MPLKIP: variants seen among roughly 807,000 people sequenced by gnomAD.
MPLKIP encodes the protein M-phase-specific PLK1-interacting protein.
MPLKIP carries 16 observed loss-of-function variants against 16.9 expected under a neutral mutation model. That is an observed-to-expected ratio of 0.94 (90% CI 0.64 to 1.43). The LOEUF (loss-of-function observed/expected upper bound fraction) is 1.43, where lower values mean the gene tolerates loss of function less well. Among genes scored for constraint, MPLKIP ranks in the 40% most tolerant of loss-of-function variants. MPLKIP has a pLI of 0.00. For missense variants in MPLKIP, 282 were observed against 237.6 expected (o/e 1.19, Z -1.23); for synonymous variants, 126 against 98.4 (o/e 1.28, Z -1.66).
chr7:40,133,710 AGCAAGTTGGAAAACCACGTAGTT>A (rs1243927622), intron 1 of MPLKIP, among the ~76,000 whole-genome samples: 1 of 152,102 alleles, frequency 6.6e-6, no homozygotes, highest in Non-Finnish European at 1.5e-5. Context: ...TGTAGAATAC[AGCAAGTTGGAAAACCACGTAGTT>A]GCAAGTTGTA....
rs1787436956 is a variant in MPLKIP, at chr7:40,129,678, A to G, written c.*3381T>C. ...CCAAGCGTGGTGGCTCACACCTGTA[A>G]TTCCAGCACTTTGGGAGGCCGAGGC... On this transcript the variant is annotated 3_prime_UTR_variant, in exon 2 of 2. Coordinates refer to ENST00000306984, the MANE Select transcript of MPLKIP (RefSeq NM_138701.4). 6.6e-6 allele frequency: 1 copy of G among 151,966 alleles called. No individual in the cohort carries two copies. 9.4% of individuals were successfully genotyped at this position (151,966 alleles called of 1,614,324 possible).
Position 40,127,936 on chromosome 7 carries a change from A to AG in MPLKIP, c.*5122dup, listed in dbSNP as rs1474046513. On this transcript the variant is annotated 3_prime_UTR_variant, in exon 2 of 2. Coordinates refer to ENST00000306984, the MANE Select transcript of MPLKIP (RefSeq NM_138701.4). ...CTTGCACCTGTAATCCCATCTACTCAGGAGGCTAAGGCAGGAGAACTGCTT... is the reference window on the plus strand; with the variant it reads ...CTTGCACCTGTAATCCCATCTACTCAGGGAGGCTAAGGCAGGAGAACTGCTT... The AG allele has an allele frequency of 1.3e-5, 2 of 152,166 alleles. No homozygotes were observed. Among genetic ancestry groups the AG allele is most frequent in the Non-Finnish European group, 2.9e-5 (2 of 68,182 alleles). The allele number at this position is 152,166 out of a possible 1,614,324, so 9.4% of individuals were successfully genotyped here. A position where few individuals can be genotyped will look rare whatever the true frequency, so the allele number is the denominator to read the frequency against.
rs1787427965 is a variant in MPLKIP, at chr7:40,129,065, A to G, written c.*3994T>C. 2 of 152,102 alleles carry G rather than the reference A, an allele frequency of 1.3e-5. No homozygotes were observed. The highest frequency in any genetic ancestry group is 2.9e-5 in the Non-Finnish European group (2 of 68,028). 9.4% of individuals were successfully genotyped at this position (152,102 alleles called of 1,614,324 possible). A position where few individuals can be genotyped will look rare whatever the true frequency, so the allele number is the denominator to read the frequency against. On this transcript the variant is annotated 3_prime_UTR_variant, in exon 2 of 2. Coordinates refer to ENST00000306984, the MANE Select transcript of MPLKIP (RefSeq NM_138701.4). The stretch of plus-strand genomic sequence containing the variant: ...GAGCCTCACCATTTGCTTTTTGCCT[A>G]AAAATAAGGTATCTTTTCCTTCATG...
chr7:40,126,519 C>T lies in MPLKIP; in HGVS notation c.*6540G>A, dbSNP rs1787393458. The T allele has an allele frequency of 1.3e-5, 2 of 150,858 alleles. 1 individual carries two copies. The highest frequency in any genetic ancestry group is 4.9e-5 in the African/African-American group (2 of 41,064). 9.3% of individuals were successfully genotyped at this position (150,858 alleles called of 1,614,324 possible). On this transcript the variant is annotated 3_prime_UTR_variant, in exon 2 of 2. Transcript: ENST00000306984. ...TGAGATCTTGGCTCACTGCAACCTT[C>T]ACTTCCTGGGCTCAAGCAATTCTCC...
rs1213852748 is a variant in MPLKIP at position 40,126,655 on chromosome 7, C to CTGACCTCA, written c.*6396_*6403dup. 1 of 151,738 alleles carries CTGACCTCA rather than the reference C, an allele frequency of 6.6e-6. No individual in the cohort carries two copies. Among genetic ancestry groups the CTGACCTCA allele is most frequent in the African/African-American group, 2.4e-5 (1 of 41,268 alleles). The allele number at this position is 151,738 out of a possible 1,614,324, so 9.4% of individuals were successfully genotyped here. A position where few individuals can be genotyped will look rare whatever the true frequency, so the allele number is the denominator to read the frequency against. ...TGTTGGGCAGGCTGGTCTCGAACTCCTGACCTCATGATCTGCCCGCCTCGG... is the reference window on the plus strand; with the variant it reads ...TGTTGGGCAGGCTGGTCTCGAACTCCTGACCTCATGACCTCATGATCTGCCCGCCTCGG... On this transcript the variant is annotated 3_prime_UTR_variant, in exon 2 of 2. Transcript: ENST00000306984.
rs1787426952 is a variant in MPLKIP, at chr7:40,128,950, TAC to T, written c.*4107_*4108del. The T allele has an allele frequency of 1.6e-5, 2 of 127,490 alleles. No homozygotes were observed. Among genetic ancestry groups the T allele is most frequent in the Non-Finnish European group, 3.3e-5 (2 of 60,310 alleles). 7.9% of individuals were successfully genotyped at this position (127,490 alleles called of 1,614,324 possible). On this transcript the variant is annotated 3_prime_UTR_variant, in exon 2 of 2. Transcript: ENST00000306984. ...AAAAAAAAAAAAAGAATGGTGGAAA[TAC>T]AGAGTTTGCTTCACAGGAGATTCAC... is the stretch of plus-strand genomic sequence containing the variant.
At position 40,134,303 on chromosome 7, in the gene MPLKIP, A is replaced by AGCCAGGGTAGCC; in HGVS notation, c.253_264dup (p.Gly85_Gly88dup). On this transcript the variant is annotated inframe_insertion, in exon 1 of 2. Transcript: ENST00000306984. ...GACCCCGCGGGGGACCTGGAGTAGG[A>AGCCAGGGTAGCC]GCCAGGGTAGCCGCCAGGGGACGGA... is the stretch of plus-strand genomic sequence containing the variant. 1 of 1,557,182 alleles carries AGCCAGGGTAGCC rather than the reference A, an allele frequency of 6.4e-7. No individual in the cohort carries two copies. Among genetic ancestry groups the AGCCAGGGTAGCC allele is most frequent in the South Asian group, 1.2e-5 (1 of 84,562 alleles).
chr7:40,128,859 T>C lies in MPLKIP; in HGVS notation c.*4200A>G, dbSNP rs1787425016. The C allele has an allele frequency of 7.4e-6, 1 of 135,350 alleles. No homozygotes were observed. Among genetic ancestry groups the C allele is most frequent in the African/African-American group, 2.9e-5 (1 of 34,508 alleles). The allele number at this position is 135,350 out of a possible 1,614,324, so 8.4% of individuals were successfully genotyped here. On this transcript the variant is annotated 3_prime_UTR_variant, in exon 2 of 2. Transcript: ENST00000306984. ...TGAACTTGGGAGGCAGAGGTTGTAGTGAGCTGAGATCGTGCCACTGCACTC... is the reference window on the plus strand; with the variant it reads ...TGAACTTGGGAGGCAGAGGTTGTAGCGAGCTGAGATCGTGCCACTGCACTC...
chr7:40,133,081 T>C lies in MPLKIP; in HGVS notation c.518A>G (p.Lys173Arg). The C allele has an allele frequency of 6.2e-7, 1 of 1,614,006 alleles. No individual in the cohort carries two copies. The highest frequency in any genetic ancestry group is 8.5e-7 in the Non-Finnish European group (1 of 1,179,982). The change falls in exon 2 of 2, where the codon AAA becomes AGA. Residue 173 changes from lysine (K) to arginine (R), a missense_variant. Lys to Arg is a conservative substitution (Grantham distance 26). Coordinates refer to ENST00000306984, the MANE Select transcript of MPLKIP (RefSeq NM_138701.4). Reference protein sequence around the residue: ...QYSNTQTFTGKKGRYFC With the variant: ...QYSNTQTFTGRKGRYFC ...ATGTTAACAAAAGTATCTTCCTTTT[T>C]TGCCTGTGAATGTTTGAGTATTGCT...
At position 40,134,599 on chromosome 7, in the gene MPLKIP, G is replaced by C. The variant is rs764948501; in HGVS notation, c.-32C>G. 2 of 1,551,336 alleles carry C rather than the reference G, an allele frequency of 1.3e-6. No individual in the cohort carries two copies. Among genetic ancestry groups the C allele is most frequent in the Non-Finnish European group, 1.7e-6 (2 of 1,149,924 alleles). On this transcript the variant is annotated 5_prime_UTR_variant, in exon 1 of 2. Coordinates refer to ENST00000306984, the MANE Select transcript of MPLKIP (RefSeq NM_138701.4). ...AGCCAAAGCCGAAAACCTCGCAGCC[G>C]CGTTCTCCCACCGGAACTGTATCAA...
At position 40,126,901 on chromosome 7, in the gene MPLKIP, G is replaced by C. The variant is rs1787399631; in HGVS notation, c.*6158C>G. ...AACTCACTGCAACCTCTGCCTCCCG[G>C]GTTCATGCCATTCTCCTGCCTCAGC... On this transcript the variant is annotated 3_prime_UTR_variant, in exon 2 of 2. Coordinates refer to ENST00000306984, the MANE Select transcript of MPLKIP (RefSeq NM_138701.4). 1 of 150,814 alleles carries C rather than the reference G, an allele frequency of 6.6e-6. No individual in the cohort carries two copies. The highest frequency in any genetic ancestry group is 6.6e-5 in the Admixed American group (1 of 15,134). The allele number at this position is 150,814 out of a possible 1,614,324, so 9.3% of individuals were successfully genotyped here.
chr7:40,126,131 C>T lies in MPLKIP; in HGVS notation c.*6928G>A, dbSNP rs1787386868. The T allele has an allele frequency of 6.6e-6, 1 of 152,182 alleles. No homozygotes were observed. The highest frequency in any genetic ancestry group is 2.4e-5 in the African/African-American group (1 of 41,446). 9.4% of individuals were successfully genotyped at this position (152,182 alleles called of 1,614,324 possible). Reference sequence around the variant, plus strand: ...CATGTCCATCTGAAGCTTGTATCTCCCTGAACCCACCCCAAAATAATTACT... The same window carrying T: ...CATGTCCATCTGAAGCTTGTATCTCTCTGAACCCACCCCAAAATAATTACT... On this transcript the variant is annotated 3_prime_UTR_variant, in exon 2 of 2. Coordinates refer to ENST00000306984, the MANE Select transcript of MPLKIP (RefSeq NM_138701.4).
Position 40,130,666 on chromosome 7 carries a change from T to G in MPLKIP, c.*2393A>C, listed in dbSNP as rs1787449716. On this transcript the variant is annotated 3_prime_UTR_variant, in exon 2 of 2. Transcript: ENST00000306984. ...CTAAGAGATGCTTCAGTAAATTATCTCCAAATGTCATTTCCTAAAGACAAC... is the reference window on the plus strand; with the variant it reads ...CTAAGAGATGCTTCAGTAAATTATCGCCAAATGTCATTTCCTAAAGACAAC... 6.6e-6 allele frequency: 1 copy of G among 152,306 alleles called. No individual in the cohort carries two copies. Among genetic ancestry groups the G allele is most frequent in the South Asian group, 2.1e-4 (1 of 4,824 alleles). The allele number at this position is 152,306 out of a possible 1,614,324, so 9.4% of individuals were successfully genotyped here. A position where few individuals can be genotyped will look rare whatever the true frequency, so the allele number is the denominator to read the frequency against.
chr7:40,133,842 T>C (rs1787518866), intron 1 of MPLKIP, among the ~76,000 whole-genome samples: 1 of 150,726 alleles, frequency 6.6e-6, no homozygotes, highest in Non-Finnish European at 1.5e-5. Context: ...CGATTTTCTT[T>C]TCAGGGAAGT....
Position 40,132,897 on chromosome 7 carries a change from TC to T in MPLKIP, c.*161del. 1.5e-6 allele frequency: 1 copy of T among 673,230 alleles called. No individual in the cohort carries two copies. Among genetic ancestry groups the T allele is most frequent in the South Asian group, 1.8e-5 (1 of 56,022 alleles). 41.7% of individuals were successfully genotyped at this position (673,230 alleles called of 1,614,324 possible). On this transcript the variant is annotated 3_prime_UTR_variant, in exon 2 of 2. Transcript: ENST00000306984. ...AATGTTGCAAGTTATCCTACTTTTT[TC>T]TCTAATATCAACAATACCTGATACG...
chr7:40,133,353 A>T, intron 1 of MPLKIP, 94 bp from the exon 2 acceptor site: 1 of 1,105,068 alleles, frequency 9.0e-7, no homozygotes. Context: ...ATTGCTGCTT[A>T]AAAGTTGTGA....
At position 40,132,564 on chromosome 7, in the gene MPLKIP, C is replaced by T. The variant is rs1297089864; in HGVS notation, c.*495G>A. The T allele has an allele frequency of 1.1e-5, 2 of 187,040 alleles. No homozygotes were observed. The highest frequency in any genetic ancestry group is 1.4e-4 in the East Asian group (1 of 6,948). 11.6% of individuals were successfully genotyped at this position (187,040 alleles called of 1,614,324 possible). A position where few individuals can be genotyped will look rare whatever the true frequency, so the allele number is the denominator to read the frequency against. On this transcript the variant is annotated 3_prime_UTR_variant, in exon 2 of 2. Transcript: ENST00000306984. ...AGATAAAATGAGTATGAACAGAACT[C>T]TGTTATTCTCATCCTCATTATTTAC...
Position 40,130,210 on chromosome 7 carries a change from T to C in MPLKIP, c.*2849A>G, listed in dbSNP as rs1787443859. On this transcript the variant is annotated 3_prime_UTR_variant, in exon 2 of 2. Coordinates refer to ENST00000306984, the MANE Select transcript of MPLKIP (RefSeq NM_138701.4). Reference sequence around the variant, plus strand: ...AATTTTTAAGATGTATACTTAATTGTAAGTTTTTCTAAAAAGTTATTCAGC... The same window carrying C: ...AATTTTTAAGATGTATACTTAATTGCAAGTTTTTCTAAAAAGTTATTCAGC... 6.6e-6 allele frequency: 1 copy of C among 152,222 alleles called. No individual in the cohort carries two copies. Among genetic ancestry groups the C allele is most frequent in the African/African-American group, 2.4e-5 (1 of 41,466 alleles). 9.4% of individuals were successfully genotyped at this position (152,222 alleles called of 1,614,324 possible).
rs1323060580 is a variant in MPLKIP at position 40,127,510 on chromosome 7, G to T, written c.*5549C>A. On this transcript the variant is annotated 3_prime_UTR_variant, in exon 2 of 2. Coordinates refer to ENST00000306984, the MANE Select transcript of MPLKIP (RefSeq NM_138701.4). Reference sequence around the variant, plus strand: ...AGCTACTTGGGAGGCTGAGGCAGGAGTTGGAGACCAGCCTGGGCAACATAG... The same window carrying T: ...AGCTACTTGGGAGGCTGAGGCAGGATTTGGAGACCAGCCTGGGCAACATAG... 1 of 152,228 alleles carries T rather than the reference G, an allele frequency of 6.6e-6. No homozygotes were observed. Among genetic ancestry groups the T allele is most frequent in the Non-Finnish European group, 1.5e-5 (1 of 68,096 alleles). 9.4% of individuals were successfully genotyped at this position (152,228 alleles called of 1,614,324 possible).
Sources: allele counts gnomAD v4.1 joint callset (sites outside exome capture counted in the v4.1 genomes callset), GRCh38; gene constraint gnomAD v4.1.1; transcripts MANE v1.5; gene names NCBI Gene and HGNC (gene_info 2026-07-23, HGNC 2026-07-21).